Variants in NDUFAF6 observed in about 807,000 individuals in gnomAD.
The protein encoded by NDUFAF6 is NADH dehydrogenase (ubiquinone) complex I, assembly factor 6.
In NDUFAF6, 45 loss-of-function variants were observed where a neutral mutation model predicts 40.8. The ratio of observed to expected loss-of-function variants is 1.10; its 90% CI spans 0.87 to 1.42. The LOEUF is 1.42. Among genes scored for constraint, NDUFAF6 ranks in the 40% most tolerant of loss-of-function variants. The pLI is 0.00. For missense variants in NDUFAF6, 435 were observed against 418.5 expected, an observed-to-expected ratio of 1.04 and a Z score of -0.34; for synonymous variants, 185 against 155.9, an observed-to-expected ratio of 1.19 and a Z score of -1.39.
chr8:95,047,218 A>G (rs1016594574), intron 6 of NDUFAF6, 91 bp downstream of exon 6: 28 of 1,551,874 alleles, frequency 1.8e-5, no homozygotes, highest in Non-Finnish European at 2.4e-5. Flanking sequence ...CTATTCAAGT[A>G]ATTGCTTTGA....
At chr8:95,096,545 C>G (rs1449952029), upstream of NDUFAF6, among the ~76,000 whole-genome samples, 2 of 152,106 alleles carry the variant, frequency 1.3e-5, no homozygotes, top group Non-Finnish European at 2.9e-5. Context: ...TTGAGCACTC[C>G]CTGTGACCTG....
At chr8:94,981,751 G>C (rs958199196) in intron 2 of NDUFAF6, among the ~76,000 whole-genome samples, 1 of 152,156 alleles carries the variant, frequency 6.6e-6, no homozygotes, top group Non-Finnish European at 1.5e-5. Flanking sequence ...TTCCATGAGA[G>C]AGCTGATATT....
At chr8:95,107,840 A>G (rs1378771116), downstream of NDUFAF6, among the ~76,000 whole-genome samples, 1 of 152,188 alleles carries the variant, frequency 6.6e-6, no homozygotes, top group East Asian at 1.9e-4. Context: ...GGTATAACTG[A>G]ATGACCTGGA....
intron 2 of NDUFAF6, 146 bp downstream of exon 2, chr8:95,032,240 T>A (rs1828941971): frequency 4.2e-6 from 3 of 712,824 alleles, no homozygotes; most frequent in Admixed American, 2.3e-5. Context: ...GCTAACTGTT[T>A]AGGCTTAGTA....
At chr8:95,007,659 G>GTT (rs553474402) in intron 2 of NDUFAF6, among the ~76,000 whole-genome samples, 2,453 of 103,710 alleles carry the variant, frequency 0.024, 79 homozygotes, top group Non-Finnish European at 0.039. Context: ...GTGAGGCTCT[G>GTT]TTTTTTTTTT....
At chr8:94,943,136 G>T (rs570335384) in intron 1 of NDUFAF6, among the ~76,000 whole-genome samples, 4 of 152,170 alleles carry the variant, frequency 2.6e-5, no homozygotes, top group African/African-American at 9.7e-5. Context: ...CAGGAGTGTG[G>T]TCTCAGCTAG....
downstream of NDUFAF6, among the ~76,000 whole-genome samples, chr8:95,117,411 C>T (rs1453349223): frequency 6.6e-6 from 1 of 152,160 alleles, no homozygotes; most frequent in African/African-American, 2.4e-5. Context: ...ACAGAAAGCT[C>T]TCCAGGGATA....
chr8:95,098,698 A>G (rs1809552238), upstream of NDUFAF6, among the ~76,000 whole-genome samples: 1 of 151,744 alleles, frequency 6.6e-6, no homozygotes, highest in Non-Finnish European at 1.5e-5. Flanking sequence ...AAGTCTTATT[A>G]AAAACTCTAT....
At chr8:94,921,812 C>T (rs549189066) in intron 1 of NDUFAF6, among the ~76,000 whole-genome samples, 1 of 152,256 alleles carries the variant, frequency 6.6e-6, no homozygotes, top group East Asian at 1.9e-4. Flanking sequence ...CACTCATTAG[C>T]CTCAATTGCC....
chr8:95,108,134 G>C (rs1333900183), downstream of NDUFAF6, among the ~76,000 whole-genome samples: 1 of 152,106 alleles, frequency 6.6e-6, no homozygotes, highest in African/African-American at 2.4e-5. Flanking sequence ...AAAATGGACA[G>C]CTGCTATGGA....
intron 2 of NDUFAF6, among the ~76,000 whole-genome samples, chr8:94,986,578 T>G (rs1295119217): frequency 6.6e-6 from 1 of 152,156 alleles, no homozygotes; most frequent in African/African-American, 2.4e-5. Context: ...CTTAATATAG[T>G]GAAAAATTGA....
chr8:94,925,931 T>G (rs991634276), intron 1 of NDUFAF6: 3 of 152,634 alleles, frequency 2.0e-5, no homozygotes, highest in African/African-American at 7.2e-5. Flanking sequence ...GTACCTCCTT[T>G]TAATATTAAT....
intron 2 of NDUFAF6, among the ~76,000 whole-genome samples, chr8:95,102,544 G>A: frequency 6.6e-6 from 1 of 152,222 alleles, no homozygotes; most frequent in East Asian, 1.9e-4. Context: ...AGGAGTTGCT[G>A]TTATGCAGTG....
upstream of NDUFAF6, among the ~76,000 whole-genome samples, chr8:95,023,810 G>A (rs543468680): frequency 6.6e-6 from 1 of 152,238 alleles, no homozygotes; most frequent in African/African-American, 2.4e-5. Flanking sequence ...GGCCAACATG[G>A]TGAAACCTCA....
rs2131713144 is a variant in NDUFAF6, at chr8:95,025,110, G to A, written c.102G>A (p.Arg34=). ...CTCTGGGTCTGTACGCGCGCATGCG[G>A]CGGCTGCCCGGGCCGGAGGTGTCTG... ...RPPLGLYARM[R]RLPGPEVSGR... Residue 34 remains arginine (R), a synonymous_variant, in exon 1 of 9, where the codon CGG becomes CGA. Coordinates refer to ENST00000396124, the MANE Select transcript of NDUFAF6 (RefSeq NM_152416.4). The A allele has an allele frequency of 4.1e-6, 6 of 1,480,526 alleles. No homozygotes were observed. In the East Asian group the frequency reaches 1.2e-4, roughly 28 times the overall value. The allele number at this position is 1,480,526 out of a possible 1,614,324, so 91.7% of individuals were successfully genotyped here.
chr8:95,062,932 C>T (rs1832607078), downstream of NDUFAF6, among the ~76,000 whole-genome samples: 2 of 152,120 alleles, frequency 1.3e-5, no homozygotes, highest in African/African-American at 2.4e-5. Flanking sequence ...GAAGTACAAA[C>T]TGGATATGAG....
chr8:95,015,158 A>C (rs890349158), intron 2 of NDUFAF6, among the ~76,000 whole-genome samples: 1 of 152,194 alleles, frequency 6.6e-6, no homozygotes, highest in African/African-American at 2.4e-5. Context: ...GCACAGCTCC[A>C]GACTCGAATC....
chr8:94,997,215 G>A (rs1156971559), intron 2 of NDUFAF6, among the ~76,000 whole-genome samples: 1 of 151,516 alleles, frequency 6.6e-6, no homozygotes, highest in African/African-American at 2.4e-5. Flanking sequence ...GGCTTGTGCA[G>A]CCACAGTGCA....
chr8:94,960,591 T>C (rs13281709), intron 1 of NDUFAF6, among the ~76,000 whole-genome samples: 1 of 152,010 alleles, frequency 6.6e-6, no homozygotes, highest in Non-Finnish European at 1.5e-5. Flanking sequence ...TTTATTCCAA[T>C]TGGCAGAACG....
Sources: allele counts gnomAD v4.1 joint callset (sites outside exome capture counted in the v4.1 genomes callset), GRCh38; gene constraint gnomAD v4.1.1; transcripts MANE v1.5; gene names NCBI Gene and HGNC (gene_info 2026-07-23, HGNC 2026-07-21).